The following CMIP variants were observed in gnomAD, a reference collection of about 807,000 sequenced individuals.
CMIP encodes c-Maf inducing protein.
In CMIP, 13 loss-of-function variants were observed where a neutral mutation model predicts 97.3. The ratio of observed to expected loss-of-function variants is 0.13; its 90% CI spans 0.09 to 0.21. The LOEUF is 0.21. CMIP is among the 10% of genes least tolerant of loss of function. The pLI is 1.00. For synonymous variants in CMIP, 538 were observed against 436.3 expected, an observed-to-expected ratio of 1.23 and a Z score of -2.91; for missense variants, 847 against 1,024.9, an observed-to-expected ratio of 0.83 and a Z score of 2.37.
chr16:81,554,145 C>T (rs1011115501), intron 1 of CMIP, among the ~76,000 whole-genome samples: 3 of 152,160 alleles, frequency 2.0e-5, no homozygotes, highest in African/African-American at 4.8e-5. Flanking sequence ...TCATTGAGGG[C>T]GGATACCCAA....
At chr16:81,505,982 C>CA (rs2089702060) in intron 1 of CMIP, among the ~76,000 whole-genome samples, 1 of 152,172 alleles carries the variant, frequency 6.6e-6, no homozygotes, top group Non-Finnish European at 1.5e-5. Context: ...GCGACAAGAG[C>CA]AAAACTCCAT....
At chr16:81,555,006 C>T (rs367631940) in intron 1 of CMIP, among the ~76,000 whole-genome samples, 2 of 152,212 alleles carry the variant, frequency 1.3e-5, no homozygotes, top group Admixed American at 6.5e-5. Flanking sequence ...TGCCTCGACA[C>T]ACCCCTACAG....
At chr16:81,628,490 G>T (rs1463724401) in intron 3 of CMIP, among the ~76,000 whole-genome samples, 2 of 152,202 alleles carry the variant, frequency 1.3e-5, no homozygotes, top group East Asian at 1.9e-4. Context: ...CTGAGGAGGT[G>T]CCTGTTCCTC....
intron 1 of CMIP, among the ~76,000 whole-genome samples, chr16:81,555,834 T>A (rs962309961): frequency 6.6e-6 from 1 of 152,190 alleles, no homozygotes; most frequent in Admixed American, 6.5e-5. Flanking sequence ...GGAGACTGAT[T>A]CCTGCCAAGT....
intron 13 of CMIP, 42 bp from the exon 14 acceptor site, chr16:81,696,518 G>T (rs916099457): frequency 3.8e-6 from 6 of 1,571,530 alleles, no homozygotes; most frequent in Non-Finnish European, 5.2e-6. Context: ...TTGTCACCGG[G>T]GCTGCATGCA....
At chr16:81,678,126 C>T in intron 9 of CMIP, 149 bp from the exon 10 acceptor site, 1 of 664,436 alleles carries the variant, frequency 1.5e-6, no homozygotes, top group East Asian at 2.8e-5. Context: ...CCAGGCTGAG[C>T]CTCAGTTTCC....
Position 81,505,135 on chromosome 16 carries a change from G to A in CMIP, c.300+59594G>A, listed in dbSNP as rs528774060. On this transcript the variant is annotated intron_variant, in intron 1 of 20. Coordinates refer to ENST00000537098, the MANE Select transcript of CMIP (RefSeq NM_198390.3). ...CAGTGACCCAGCCGATGGAGGGCCC[G>A]TCTCAACATGTGCTTCTGCTGTCCT... Among the ~76,000 whole-genome samples the A allele has an allele frequency of 5.3e-5, 8 of 152,328 alleles. No homozygotes were observed. In the East Asian group the frequency reaches 1.2e-3, roughly 22 times the overall value.
At chr16:81,608,699 C>G (rs561737812) in intron 2 of CMIP, among the ~76,000 whole-genome samples, 5 of 151,754 alleles carry the variant, frequency 3.3e-5, no homozygotes, top group Non-Finnish European at 7.4e-5. Flanking sequence ...CTGACAAAAA[C>G]CACGACCACG....
chr16:81,507,666 T>C (rs571592082), intron 1 of CMIP, among the ~76,000 whole-genome samples: 10 of 152,262 alleles, frequency 6.6e-5, no homozygotes, highest in African/African-American at 2.4e-4. Flanking sequence ...ATTGGAGATA[T>C]TATTTTGCTG....
In CMIP at chr16:81,627,729, G is replaced by A. The variant is rs1277751817; in HGVS notation, c.477+6803G>A. Among the ~76,000 whole-genome samples, 1 of 152,168 alleles carries A rather than the reference G, an allele frequency of 6.6e-6. No individual in the cohort carries two copies. The highest frequency in any genetic ancestry group is 2.4e-5 in the African/African-American group (1 of 41,426). ...GGACTGAGCGTCCAAGTGGATAAAG[G>A]ATGAGGATAAAGGACCGTGCCAAAG... On this transcript the variant is annotated intron_variant, in intron 3 of 20. Coordinates refer to ENST00000537098, the MANE Select transcript of CMIP (RefSeq NM_198390.3). The surrounding 1 kb of genome is among the most constrained non-coding windows in gnomAD (Gnocchi z 4.6).
At chr16:81,705,477 T>G in intron 18 of CMIP, 22 bp from the exon 19 acceptor site, 72 of 1,542,250 alleles carry the variant, frequency 4.7e-5, no homozygotes, top group Non-Finnish European at 5.8e-5. Context: ...GGGAGAGGGC[T>G]GAGAGTTTCT....
chr16:81,448,900 G>A (rs1316205158), intron 1 of CMIP, among the ~76,000 whole-genome samples: 1 of 152,252 alleles, frequency 6.6e-6, no homozygotes, highest in African/African-American at 2.4e-5. Flanking sequence ...AAACTTCCCA[G>A]TTCCTGGGCC....
chr16:81,525,997 TGTGTG>T (rs2090125872), intron 1 of CMIP, among the ~76,000 whole-genome samples: 1 of 33,628 alleles, frequency 3.0e-5, no homozygotes, highest in Non-Finnish European at 6.2e-5. Context: ...TGTGTGTGTG[TGTGTG>T]TGTGTCTGTG....
intron 1 of CMIP, among the ~76,000 whole-genome samples, chr16:81,456,793 G>A (rs964791305): frequency 6.6e-6 from 1 of 152,226 alleles, no homozygotes; most frequent in Admixed American, 6.5e-5. Flanking sequence ...GGCCAGGCTG[G>A]CTGTGAGCTG....
intron 2 of CMIP, chr16:81,611,521 GTC>G (rs2091831895): frequency 6.5e-6 from 1 of 152,942 alleles, no homozygotes; most frequent in Non-Finnish European, 1.5e-5. Context: ...ATCCATGTGT[GTC>G]TGTTTTCCTC....
rs1427581061 is a variant in CMIP, at chr16:81,460,267, G to A, written c.300+14726G>A. 3.9e-5 allele frequency among the ~76,000 whole-genome samples: 6 copies of A among 152,244 alleles called. 1 individual carries two copies. The South Asian group carries it at 8.3e-4, about 21-fold the overall frequency. On this transcript the variant is annotated intron_variant, in intron 1 of 20. Coordinates refer to ENST00000537098, the MANE Select transcript of CMIP (RefSeq NM_198390.3). ...GAGAGCCTGGGGGAGATGGAGGATG[G>A]GAGGAGGGTGAGTGGGCTATTTATT...
At chr16:81,684,786 C>T (rs1394587977) in intron 10 of CMIP, among the ~76,000 whole-genome samples, 3 of 152,196 alleles carry the variant, frequency 2.0e-5, no homozygotes, top group African/African-American at 7.2e-5. Flanking sequence ...CTTGTCCGTC[C>T]CCTCCGTCCA....
chr16:81,691,863 G>C, intron 11 of CMIP, 23 bp downstream of exon 11: 2 of 1,604,878 alleles, frequency 1.2e-6, no homozygotes, highest in Non-Finnish European at 1.7e-6. Flanking sequence ...TGCATCCCCG[G>C]AGCCCTCCCA....
rs991880678 is a variant in CMIP, at chr16:81,710,326, G to T, written c.*527G>T. The T allele has an allele frequency of 3.1e-5, 5 of 161,292 alleles. No individual in the cohort carries two copies. Among genetic ancestry groups the T allele is most frequent in the Admixed American group, 2.9e-4 (5 of 17,390 alleles). The allele number at this position is 161,292 out of a possible 1,614,324, so 10.0% of individuals were successfully genotyped here. ...GCAAAGTGATTCTTGTTGTACATAA[G>T]ATTTAAATAATGCACCTATTTAAGA... On this transcript the variant is annotated 3_prime_UTR_variant, in exon 21 of 21. Coordinates refer to ENST00000537098, the MANE Select transcript of CMIP (RefSeq NM_198390.3).
Sources: allele counts gnomAD v4.1 joint callset (sites outside exome capture counted in the v4.1 genomes callset), GRCh38; gene constraint gnomAD v4.1.1; non-coding constraint Gnocchi (gnomAD v3.1); transcripts MANE v1.5; gene names NCBI Gene and HGNC (gene_info 2026-07-23, HGNC 2026-07-21).